Variants in VXN observed in about 807,000 individuals in gnomAD.
The protein encoded by VXN is vexin.
VXN carries 7 observed loss-of-function variants against 23.1 expected under a neutral mutation model. The observed-to-expected ratio is 0.30, with a 90% CI of 0.17 to 0.57. The LOEUF (loss-of-function observed/expected upper bound fraction) is 0.57. Among genes scored for constraint, VXN ranks in the 20% least tolerant of loss-of-function variants. The pLI is 0.91. For missense variants in VXN, 238 were observed against 272.6 expected (o/e 0.87, Z 0.89); for synonymous variants, 120 against 105.8 (o/e 1.13, Z -0.83).
chr8:66,513,622 C>G lies in VXN; in HGVS notation c.425C>G (p.Ala142Gly), dbSNP rs753677601. 6.2e-7 allele frequency: 1 copy of G among 1,614,114 alleles called. No individual in the cohort carries two copies. The highest frequency in any genetic ancestry group is 8.5e-7 in the Non-Finnish European group (1 of 1,179,964). Residue 142 changes from alanine (A) to glycine (G), a missense_variant, in exon 5 of 6, where the codon GCT becomes GGT. Ala to Gly is a moderately conservative substitution (Grantham distance 60). Coordinates refer to ENST00000305454, the MANE Select transcript of VXN (RefSeq NM_152765.4). ...EATAMGTEKG[A>G]VLMRGSRHLK... ...ACAGCCATGGGCACAGAGAAGGGAG[C>G]TGTTCTGATGAGAGGGTAAGTGCTG...
chr8:66,497,476 T>C (rs1807639716), intron 2 of VXN, among the ~76,000 whole-genome samples: 1 of 152,238 alleles, frequency 6.6e-6, no homozygotes, highest in African/African-American at 2.4e-5. Flanking sequence ...TTTTGTATTA[T>C]GTTTTGCTGC....
chr8:66,513,894 G>A (rs1473174493), intron 5 of VXN: 7 of 427,974 alleles, frequency 1.6e-5, no homozygotes, highest in Non-Finnish European at 2.5e-5. Flanking sequence ...GCTTGGAGAA[G>A]TCATTTGGGA....
At chr8:66,504,030 C>T (rs1029704678) in intron 2 of VXN, among the ~76,000 whole-genome samples, 7 of 152,278 alleles carry the variant, frequency 4.6e-5, no homozygotes, top group South Asian at 2.1e-4. Context: ...TCCCCAGTCG[C>T]GACCTGGGAA....
chr8:66,513,246 C>G (rs1401029805), intron 4 of VXN, among the ~76,000 whole-genome samples: 2 of 152,218 alleles, frequency 1.3e-5, no homozygotes, highest in Non-Finnish European at 2.9e-5. Context: ...TCCTGAGTTT[C>G]TCTAGGTCAG....
chr8:66,507,702 G>A (rs765331635), intron 3 of VXN, among the ~76,000 whole-genome samples: 2 of 151,054 alleles, frequency 1.3e-5, no homozygotes, highest in African/African-American at 2.4e-5. Context: ...ATATGCCAGC[G>A]AGGTTTCAAA....
chr8:66,517,723 C>A lies in VXN; in HGVS notation c.*1647C>A, dbSNP rs1201993410. On this transcript the variant is annotated 3_prime_UTR_variant, in exon 6 of 6. Transcript: ENST00000305454. ...TTCTAATTCAGAGGTTTAAATTAAT[C>A]TAGCCCACTTAATAAAACCAGAGAT... 6.6e-6 allele frequency: 1 copy of A among 152,222 alleles called. No homozygotes were observed. 9.4% of individuals were successfully genotyped at this position (152,222 alleles called of 1,614,324 possible).
chr8:66,506,698 G>C (rs1807763280), intron 3 of VXN, among the ~76,000 whole-genome samples: 1 of 152,080 alleles, frequency 6.6e-6, no homozygotes, highest in Non-Finnish European at 1.5e-5. Context: ...TTTTCCATTT[G>C]TAGATGCTAG....
At chr8:66,499,543 GTTT>G (rs568063970) in intron 2 of VXN, among the ~76,000 whole-genome samples, 1 of 151,108 alleles carries the variant, frequency 6.6e-6, no homozygotes, top group African/African-American at 2.4e-5. Context: ...AGCCAGTTTT[GTTT>G]TTTTGTTTTT....
At chr8:66,496,196 A>G (rs1048409508) in intron 1 of VXN, among the ~76,000 whole-genome samples, 6 of 152,158 alleles carry the variant, frequency 3.9e-5, no homozygotes. Context: ...TTGTTTATTC[A>G]TTCATCTGTT....
rs1807741515 is a variant in VXN, at chr8:66,505,486, C to CG, written c.240dup (p.Pro81AlafsTer18). The CG allele has an allele frequency of 6.4e-7, 1 of 1,564,438 alleles. No individual in the cohort carries two copies. Among genetic ancestry groups the CG allele is most frequent in the Non-Finnish European group, 8.6e-7 (1 of 1,156,568 alleles). ...CAGGTTTGGGCGGCTCCAGACCGCG[C>CG]GGCCGCCCACAGCCCACCCGGCCAA... On this transcript the variant is annotated frameshift_variant, in exon 3 of 6. Coordinates refer to ENST00000305454, the MANE Select transcript of VXN (RefSeq NM_152765.4). LOFTEE classifies it high-confidence loss of function.
chr8:66,494,878 GA>G (rs2130539077), intron 1 of VXN: 2 of 152,332 alleles, frequency 1.3e-5, no homozygotes, highest in East Asian at 3.9e-4. Flanking sequence ...TGTCCATGAA[GA>G]GGGGAATGGT....
chr8:66,501,002 A>T (rs1225429790), intron 2 of VXN, among the ~76,000 whole-genome samples: 2 of 150,932 alleles, frequency 1.3e-5, no homozygotes, highest in Non-Finnish European at 2.9e-5. Context: ...GCCTCCAAGT[A>T]GCTGGGACTA....
At chr8:66,498,074 A>AG (rs1359811636) in intron 2 of VXN, among the ~76,000 whole-genome samples, 1 of 152,028 alleles carries the variant, frequency 6.6e-6, no homozygotes, top group Non-Finnish European at 1.5e-5. Flanking sequence ...AGGCTGAGGC[A>AG]GGAGAATCGC....
rs7008554 is a variant in VXN at position 66,512,419 on chromosome 8, G to T, written c.343-1121G>T. ...AGCTTGGGATGGGAGGAGGGGTGAA[G>T]AAGGTGCCCTTGACCGGGAATTTCC... On this transcript the variant is annotated intron_variant, in intron 4 of 5. Coordinates refer to ENST00000305454, the MANE Select transcript of VXN (RefSeq NM_152765.4). Among the ~76,000 whole-genome samples the T allele has an allele frequency of 4.1e-4, 63 of 152,350 alleles. 1 individual carries two copies. The highest frequency in any genetic ancestry group is 1.5e-3 in the African/African-American group (63 of 41,584).
chr8:66,504,494 G>A (rs1015669538), intron 2 of VXN, among the ~76,000 whole-genome samples: 1 of 145,520 alleles, frequency 6.9e-6, no homozygotes, highest in African/African-American at 2.5e-5. Context: ...TCCCCTTCAC[G>A]ACTCTCCATA....
At chr8:66,505,605 C>T in intron 3 of VXN, 77 bp downstream of exon 3, 1 of 1,411,608 alleles carries the variant, frequency 7.1e-7, no homozygotes, top group Non-Finnish European at 9.2e-7. Context: ...AAGCCCAGGT[C>T]AGGGCAGCGT....
At chr8:66,493,781 G>C in intron 1 of VXN, 63 bp downstream of exon 1, 4 of 1,317,254 alleles carry the variant, frequency 3.0e-6, no homozygotes, top group Non-Finnish European at 4.4e-6. Context: ...GGGAAGGACA[G>C]TCACGTGCTG....
At chr8:66,501,868 T>C (rs537038221) in intron 2 of VXN, among the ~76,000 whole-genome samples, 2 of 152,320 alleles carry the variant, frequency 1.3e-5, no homozygotes, top group Admixed American at 1.3e-4. Context: ...TCCCTTTGAG[T>C]CTTTGTCTTC....
chr8:66,515,246 C>T (rs1807874108), intron 5 of VXN, among the ~76,000 whole-genome samples: 2 of 152,186 alleles, frequency 1.3e-5, no homozygotes, highest in South Asian at 4.1e-4. Flanking sequence ...TCTCTAAACT[C>T]AGTCATTGTC....
Sources: allele counts gnomAD v4.1 joint callset (sites outside exome capture counted in the v4.1 genomes callset), GRCh38; gene constraint gnomAD v4.1.1; transcripts MANE v1.5; gene names NCBI Gene and HGNC (gene_info 2026-07-23, HGNC 2026-07-21).